RASAL2: variants seen among roughly 807,000 people sequenced by gnomAD.
The protein encoded by RASAL2 is RAS protein activator like 2, also known as ras GTPase-activating protein nGAP.
RASAL2 carries 58 observed loss-of-function variants against 128.9 expected under a neutral mutation model. The observed-to-expected ratio is 0.45, with a 90% confidence interval of 0.36 to 0.56. The LOEUF (loss-of-function observed/expected upper bound fraction) is 0.56. Among genes scored for constraint, RASAL2 ranks in the 20% least tolerant of loss-of-function variants. The probability of loss-of-function intolerance (pLI) is 0.00; values close to 1 mark genes in which losing one functional copy is unlikely to be tolerated. For synonymous variants in RASAL2, 561 were observed against 580.8 expected, an observed-to-expected ratio of 0.97 and a Z score of 0.49; for missense variants, 1,360 against 1,601.6, an observed-to-expected ratio of 0.85 and a Z score of 2.57.
chr1:178,195,557 TAAAAC>T, intron 1 of RASAL2, among the ~76,000 whole-genome samples: 1 of 152,294 alleles, frequency 6.6e-6, no homozygotes, highest in East Asian at 1.9e-4. Context: ...TCTTCATTTA[TAAAAC>T]CTACCTCGTA....
chr1:178,423,761 A>G (rs1444864279), intron 5 of RASAL2, among the ~76,000 whole-genome samples: 1 of 152,150 alleles, frequency 6.6e-6, no homozygotes, highest in Non-Finnish European at 1.5e-5. Flanking sequence ...AATGCTTAGT[A>G]TACTGAATAT....
At chr1:178,405,012 ATAT>A (rs960262786) in intron 4 of RASAL2, among the ~76,000 whole-genome samples, 1 of 152,136 alleles carries the variant, frequency 6.6e-6, no homozygotes. Context: ...CAACATAGAA[ATAT>A]TATTTCACCT....
chr1:178,122,041 GTTAGACTGCC>G (rs1476618798), intron 1 of RASAL2, among the ~76,000 whole-genome samples: 1 of 151,942 alleles, frequency 6.6e-6, no homozygotes, highest in African/African-American at 2.4e-5. Flanking sequence ...CCAAGTCATT[GTTAGACTGCC>G]TCGTTTTTAT....
intron 1 of RASAL2, among the ~76,000 whole-genome samples, chr1:178,160,520 A>G (rs1357762298): frequency 6.6e-6 from 1 of 152,168 alleles, no homozygotes; most frequent in Non-Finnish European, 1.5e-5. Flanking sequence ...CTGTAATCCC[A>G]GCTACTTGGG....
At chr1:178,266,007 G>A (rs143652799) in intron 1 of RASAL2, among the ~76,000 whole-genome samples, 2,486 of 151,984 alleles carry the variant, frequency 0.016, 31 homozygotes, top group Non-Finnish European at 0.026. Flanking sequence ...TTTTACTGTT[G>A]GTTTTTATTT....
intron 4 of RASAL2, among the ~76,000 whole-genome samples, chr1:178,410,813 C>G (rs1214640696): frequency 6.6e-6 from 1 of 152,086 alleles, no homozygotes; most frequent in African/African-American, 2.4e-5. Context: ...ATCAAAACCA[C>G]AATGAGATAA....
At chr1:178,096,101 G>A (rs1359743777) in intron 1 of RASAL2, among the ~76,000 whole-genome samples, 1 of 152,192 alleles carries the variant, frequency 6.6e-6, no homozygotes, top group Non-Finnish European at 1.5e-5. Context: ...TTTGGTGCCT[G>A]ATTTTCCGTC....
rs1672309239 is a variant in RASAL2, at chr1:178,381,948, C to T, written c.458-8152C>T. ...AACTGAAGTTGATACCTTATAAATACCAAACTGAAGTTAATACATTATAAA... is the reference window on the plus strand; with the variant it reads ...AACTGAAGTTGATACCTTATAAATATCAAACTGAAGTTAATACATTATAAA... On this transcript the variant is annotated intron_variant, in intron 3 of 17. Transcript: ENST00000367649. Among the ~76,000 whole-genome samples, 4 of 152,080 alleles carry T rather than the reference C, an allele frequency of 2.6e-5. No individual in the cohort carries two copies. In the South Asian group the frequency reaches 6.2e-4, roughly 24 times the overall value.
intron 9 of RASAL2, 68 bp from the exon 10 acceptor site, chr1:178,451,503 T>A (rs1572099267): frequency 6.8e-7 from 1 of 1,473,712 alleles, no homozygotes; most frequent in Non-Finnish European, 9.1e-7. Context: ...ACAGAAATCA[T>A]AAGTCCTTTT....
intron 1 of RASAL2, among the ~76,000 whole-genome samples, chr1:178,115,948 G>T (rs1222727373): frequency 6.6e-6 from 1 of 152,184 alleles, no homozygotes; most frequent in Non-Finnish European, 1.5e-5. Flanking sequence ...GTAAATTTTG[G>T]TTTAATGGTG....
intron 3 of RASAL2, among the ~76,000 whole-genome samples, chr1:178,319,201 A>G (rs1485824290): frequency 2.6e-5 from 4 of 151,970 alleles, no homozygotes; most frequent in African/African-American, 9.7e-5. Context: ...GGGTAACCCA[A>G]CCTTTTTCTC....
At chr1:178,298,612 G>A (rs1667620747) in intron 2 of RASAL2, among the ~76,000 whole-genome samples, 1 of 152,088 alleles carries the variant, frequency 6.6e-6, no homozygotes, top group African/African-American at 2.4e-5. Flanking sequence ...TGGATCAATT[G>A]ATGCAATACA....
At chr1:178,441,339 A>G (rs752033002) in intron 6 of RASAL2, among the ~76,000 whole-genome samples, 3 of 152,170 alleles carry the variant, frequency 2.0e-5, no homozygotes. Flanking sequence ...TAGTATTGGT[A>G]AGGATGTCGC....
intron 1 of RASAL2, among the ~76,000 whole-genome samples, chr1:178,133,519 G>A (rs1005832774): frequency 6.6e-6 from 1 of 150,556 alleles, no homozygotes. Context: ...TTTGTTTTGC[G>A]GTAAGGAGTT....
rs544361733 is a variant in RASAL2 at position 178,452,623 on chromosome 1, G to A, written c.1980G>A (p.Lys660=). The change falls in exon 11 of 18, where the codon AAG becomes AAA. Residue 660 remains lysine, a synonymous_variant. Transcript: ENST00000367649. ...RTSRTLTLIA[K]VIQNLANFAK... is the part of the protein sequence containing the mutation. ...CTCGGACTCTAACTCTTATTGCCAAGGTCATTCAGAACCTGGCCAACTTTG... is the reference window on the plus strand; with the variant it reads ...CTCGGACTCTAACTCTTATTGCCAAAGTCATTCAGAACCTGGCCAACTTTG... 2 of 1,613,892 alleles carry A rather than the reference G, an allele frequency of 1.2e-6. No individual in the cohort carries two copies. Among genetic ancestry groups the A allele is most frequent in the African/African-American group, 1.3e-5 (1 of 75,010 alleles).
chr1:178,410,618 G>A (rs964482747), intron 4 of RASAL2, among the ~76,000 whole-genome samples: 2 of 151,886 alleles, frequency 1.3e-5, no homozygotes, highest in African/African-American at 4.8e-5. Context: ...TTCACAAACT[G>A]CATCTGCCAA....
intron 1 of RASAL2, among the ~76,000 whole-genome samples, chr1:178,259,494 A>C (rs1310013658): frequency 6.6e-6 from 1 of 152,238 alleles, no homozygotes; most frequent in Non-Finnish European, 1.5e-5. Flanking sequence ...TGTACACTTT[A>C]AATGGCTAAA....
In RASAL2 at chr1:178,452,400, T is replaced by A. The variant is rs1490063344; in HGVS notation, c.1773-16T>A. The A allele has an allele frequency of 6.2e-7, 1 of 1,608,882 alleles. No homozygotes were observed. Among genetic ancestry groups the A allele is most frequent in the Non-Finnish European group, 8.5e-7 (1 of 1,175,416 alleles). On this transcript the variant is annotated splice_polypyrimidine_tract_variant and intron_variant, in intron 10 of 17. Transcript: ENST00000367649. ...CTTCTGTGTTTAGAGGTTTTGGTAC[T>A]TCTTTCCTTCCCTAGTGTTTTCCCT... is the stretch of plus-strand genomic sequence containing the variant.
chr1:178,171,751 A>G (rs979966868), intron 1 of RASAL2, among the ~76,000 whole-genome samples: 14 of 151,868 alleles, frequency 9.2e-5, no homozygotes, highest in African/African-American at 3.4e-4. Flanking sequence ...AGGAGTAGTA[A>G]CCTTCCCAAA....
Sources: gnomAD v4.1 joint callset for allele counts (sites outside exome capture counted in the v4.1 genomes callset) on GRCh38, gnomAD v4.1.1 for gene constraint, MANE v1.5 for transcripts, NCBI Gene and HGNC (gene_info 2026-07-23, HGNC 2026-07-21) for gene names.